The following RAD51B variants were observed in gnomAD, a reference collection of about 807,000 sequenced individuals.
The protein encoded by RAD51B is RAD51 paralog B, also known as DNA repair protein RAD51 homolog 2.
RAD51B carries 38 observed loss-of-function variants against 42.2 expected under a neutral mutation model. That is an observed-to-expected ratio of 0.90 (90% CI 0.70 to 1.18). The LOEUF is 1.18. RAD51B is among the 50% of genes most tolerant of loss of function. The pLI, the probability that RAD51B is intolerant of heterozygous loss-of-function variation, is 0.00. For missense variants in RAD51B, 373 were observed against 400.7 expected (o/e 0.93, Z 0.59); for synonymous variants, 154 against 145.2 (o/e 1.06, Z -0.43).
intron 10 of RAD51B, among the ~76,000 whole-genome samples, chr14:68,537,786 G>A (rs1594953506): frequency 6.6e-6 from 1 of 151,390 alleles, no homozygotes; most frequent in East Asian, 1.9e-4. Flanking sequence ...TTTCTTAATC[G>A]ACCTTTTCAT....
chr14:67,992,352 C>A (rs1235729172), intron 7 of RAD51B, among the ~76,000 whole-genome samples: 1 of 152,084 alleles, frequency 6.6e-6, no homozygotes, highest in Non-Finnish European at 1.5e-5. Flanking sequence ...GATTTTGACT[C>A]CATATAAAGA....
At chr14:68,216,056 G>A (rs996532473) in intron 7 of RAD51B, among the ~76,000 whole-genome samples, 1 of 152,132 alleles carries the variant, frequency 6.6e-6, no homozygotes, top group African/African-American at 2.4e-5. Context: ...AGGGCAATAT[G>A]TTTCTGAACT....
chr14:68,108,687 AT>A (rs1439152197), intron 7 of RAD51B, among the ~76,000 whole-genome samples: 1 of 151,948 alleles, frequency 6.6e-6, no homozygotes, highest in Non-Finnish European at 1.5e-5. Context: ...CTGGAATTAG[AT>A]ATTGGTGATG....
chr14:68,095,200 G>T (rs1441272898), intron 7 of RAD51B, among the ~76,000 whole-genome samples: 3 of 152,074 alleles, frequency 2.0e-5, no homozygotes, highest in Non-Finnish European at 2.9e-5. Context: ...TTAGATGAAT[G>T]AGTTATTTCA....
chr14:68,414,288 C>A (rs2041173206), intron 9 of RAD51B, among the ~76,000 whole-genome samples: 2 of 152,210 alleles, frequency 1.3e-5, no homozygotes, highest in Admixed American at 1.3e-4. Flanking sequence ...TTTGCAAAAA[C>A]TCTCTTAAGA....
At chr14:68,446,596 T>C (rs1050236400) in intron 9 of RAD51B, among the ~76,000 whole-genome samples, 1 of 152,156 alleles carries the variant, frequency 6.6e-6, no homozygotes, top group African/African-American at 2.4e-5. Context: ...GCCCAGAATT[T>C]TGCTGAACAA....
intron 10 of RAD51B, among the ~76,000 whole-genome samples, chr14:68,570,127 C>T (rs559064300): frequency 2.0e-5 from 3 of 152,292 alleles, no homozygotes; most frequent in East Asian, 1.9e-4. Context: ...GCTGTGCCAG[C>T]GAGAGAGGAG....
intron 7 of RAD51B, among the ~76,000 whole-genome samples, chr14:68,123,203 T>C (rs2077687832): frequency 6.7e-6 from 1 of 148,334 alleles, no homozygotes; most frequent in Non-Finnish European, 1.5e-5. Flanking sequence ...TTTTTTTTTT[T>C]TTTTTTTGAG....
intron 7 of RAD51B, among the ~76,000 whole-genome samples, chr14:68,268,397 C>G (rs1317537487): frequency 6.6e-6 from 1 of 152,220 alleles, no homozygotes; most frequent in Non-Finnish European, 1.5e-5. Flanking sequence ...ATCTTCCCCA[C>G]AGGGAAGTGA....
intron 8 of RAD51B, among the ~76,000 whole-genome samples, chr14:68,361,762 A>C (rs551940088): frequency 6.6e-6 from 1 of 152,062 alleles, no homozygotes; most frequent in Admixed American, 6.6e-5. Flanking sequence ...TGCAACCTCC[A>C]TGTCCCAGGT....
At chr14:68,468,888 G>A (rs2086051820) in intron 10 of RAD51B, among the ~76,000 whole-genome samples, 1 of 152,190 alleles carries the variant, frequency 6.6e-6, no homozygotes, top group African/African-American at 2.4e-5. Flanking sequence ...ATCTACAATG[G>A]TGATTCATTC....
chr14:68,447,719 T>TTCGGG (rs143232906), intron 9 of RAD51B, among the ~76,000 whole-genome samples: 47 of 152,354 alleles, frequency 3.1e-4, no homozygotes, highest in African/African-American at 1.0e-3. Flanking sequence ...TAGTTAGCCA[T>TTCGGG]TCTATCCATG....
chr14:68,245,622 A>G (rs939423133), intron 7 of RAD51B, among the ~76,000 whole-genome samples: 2 of 152,254 alleles, frequency 1.3e-5, no homozygotes, highest in African/African-American at 4.8e-5. Context: ...GGAGGTGGGC[A>G]TATCTCCAAG....
chr14:67,883,951 T>C (rs2042991644), intron 5 of RAD51B, among the ~76,000 whole-genome samples: 1 of 152,218 alleles, frequency 6.6e-6, no homozygotes, highest in South Asian at 2.1e-4. Context: ...TCAAACTTTA[T>C]GTAATTAATG....
chr14:67,982,869 G>A (rs1435124717), intron 7 of RAD51B, among the ~76,000 whole-genome samples: 4 of 151,906 alleles, frequency 2.6e-5, no homozygotes, highest in Non-Finnish European at 4.4e-5. Context: ...TTTGAGACCA[G>A]CCCAGGCAAC....
intron 8 of RAD51B, among the ~76,000 whole-genome samples, chr14:68,366,115 T>C (rs970530464): frequency 6.6e-6 from 1 of 152,204 alleles, no homozygotes. Flanking sequence ...TTAACAACTT[T>C]AGTGTAATTT....
chr14:68,422,080 C>G lies in RAD51B; in HGVS notation c.957+10553C>G, dbSNP rs114385655. The G allele has an allele frequency of 2.6e-4, 389 of 1,516,368 alleles. 1 individual carries two copies. In the African/African-American group the frequency reaches 4.8e-3, roughly 19 times the overall value. The allele number at this position is 1,516,368 out of a possible 1,614,324, so 93.9% of individuals were successfully genotyped here. On this transcript the variant is annotated intron_variant, in intron 9 of 10. Transcript: ENST00000471583. ...AACCAAATCCTTTCTCTCCAGTGCTCGGAGCACGAAAATTTTCTGCTGTCT... is the reference window on the plus strand; with the variant it reads ...AACCAAATCCTTTCTCTCCAGTGCTGGGAGCACGAAAATTTTCTGCTGTCT...
intron 5 of RAD51B, among the ~76,000 whole-genome samples, chr14:67,869,796 A>G (rs1468098296): frequency 6.6e-6 from 1 of 152,218 alleles, no homozygotes; most frequent in Non-Finnish European, 1.5e-5. Context: ...ATTCTTAAAG[A>G]AAAGAATTTT....
At chr14:68,094,164 A>T (rs1566639910) in intron 7 of RAD51B, among the ~76,000 whole-genome samples, 1 of 152,144 alleles carries the variant, frequency 6.6e-6, no homozygotes, top group Admixed American at 6.5e-5. Flanking sequence ...TTAAGATTTC[A>T]TGTTGATGTA....
Sources: gnomAD v4.1 joint callset for allele counts (sites outside exome capture counted in the v4.1 genomes callset) on GRCh38, gnomAD v4.1.1 for gene constraint, MANE v1.5 for transcripts, NCBI Gene and HGNC (gene_info 2026-07-23, HGNC 2026-07-21) for gene names.